EPYC: variants seen among roughly 807,000 people sequenced by gnomAD.
EPYC encodes the protein epiphycan.
A neutral mutation model predicts 30.1 loss-of-function variants in EPYC; 28 were observed. That is an observed-to-expected ratio of 0.93 (90% confidence interval 0.69 to 1.28). EPYC has a LOEUF of 1.28. Among genes scored for constraint, EPYC ranks in the 50% most tolerant of loss-of-function variants. EPYC has a pLI of 0.00. For missense variants in EPYC, 382 were observed against 383.5 expected (o/e 1.00, Z 0.03); for synonymous variants, 144 against 141.4 (o/e 1.02, Z -0.13).
At chr12:90,983,424 C>T (rs554035027) in intron 2 of EPYC, among the ~76,000 whole-genome samples, 2 of 152,106 alleles carry the variant, frequency 1.3e-5, no homozygotes, top group Non-Finnish European at 2.9e-5. Context: ...AGTGCGGCTG[C>T]CAGACTAAAG....
intron 3 of EPYC, among the ~76,000 whole-genome samples, chr12:90,973,301 CTT>C (rs1019848761): frequency 1.3e-4 from 19 of 151,870 alleles, no homozygotes; most frequent in African/African-American, 4.6e-4. Flanking sequence ...TTCATTAAGT[CTT>C]TGGTTTAATA....
intron 5 of EPYC, among the ~76,000 whole-genome samples, chr12:90,970,747 A>T (rs999801473): frequency 6.6e-6 from 1 of 152,172 alleles, no homozygotes; most frequent in African/African-American, 2.4e-5. Flanking sequence ...TCCCATAGCT[A>T]CCATTGATGG....
At chr12:90,977,379 G>T (rs763481582) in intron 3 of EPYC, among the ~76,000 whole-genome samples, 2 of 152,076 alleles carry the variant, frequency 1.3e-5, no homozygotes, top group Non-Finnish European at 2.9e-5. Context: ...AAAGGCTCTG[G>T]TTTCATCTGC....
At chr12:90,993,107 T>C (rs1042875768) in intron 2 of EPYC, among the ~76,000 whole-genome samples, 8 of 152,178 alleles carry the variant, frequency 5.3e-5, no homozygotes, top group African/African-American at 1.9e-4. Flanking sequence ...TCTTAGATCC[T>C]CTGTTGATCC....
intron 6 of EPYC, among the ~76,000 whole-genome samples, chr12:90,966,712 T>TA (rs1169603245): frequency 2.0e-5 from 3 of 152,128 alleles, no homozygotes; most frequent in African/African-American, 7.2e-5. Flanking sequence ...GAAAGATTGT[T>TA]ATGAATTCTT....
chr12:90,984,155 C>T (rs556099661), intron 2 of EPYC, among the ~76,000 whole-genome samples: 19 of 152,000 alleles, frequency 1.3e-4, no homozygotes, highest in East Asian at 7.7e-4. Context: ...AACAGGAAAA[C>T]GCTTAGGACT....
rs1877234975 is a variant in EPYC at position 90,978,208 on chromosome 12, G to C, written c.220C>G (p.Pro74Ala). The C allele has an allele frequency of 6.2e-7, 1 of 1,605,862 alleles. No individual in the cohort carries two copies. The highest frequency in any genetic ancestry group is 8.5e-7 in the Non-Finnish European group (1 of 1,176,456). The change falls in exon 3 of 7, where the codon CCA (proline) becomes GCA (alanine). Residue 74 changes from proline (P) to alanine (A), a missense_variant. Transcript: ENST00000261172. ...TCTTCCTGGGCCTTCTCAGGCTGTG[G>C]GGGTGGAGTGAGGAGCTCTCTGTTC... ...SGNRELLTPP[P>A]QPEKAQEEEE...
rs746945408 is a variant in EPYC, at chr12:90,972,960, A to T, written c.361T>A (p.Cys121Ser). Reference protein sequence around the residue: ...TNEDFPTCLLCTCISTTVYCD... With the variant: ...TNEDFPTCLLSTCISTTVYCD... Reference sequence around the variant, plus strand: ...TACACGGTGGTACTTATACAAGTACACAAAAGACAGGTTGGAAAGTCTAAA... The same window carrying T: ...TACACGGTGGTACTTATACAAGTACTCAAAAGACAGGTTGGAAAGTCTAAA... The change falls in exon 4 of 7, where the codon TGT becomes AGT. Residue 121 changes from cysteine (C) to serine (S), a missense_variant. Cys to Ser is a moderately radical substitution (Grantham distance 112, BLOSUM62 -1). Coordinates refer to ENST00000261172, the MANE Select transcript of EPYC (RefSeq NM_004950.5). 2 of 1,594,556 alleles carry T rather than the reference A, an allele frequency of 1.3e-6. No homozygotes were observed. The highest frequency in any genetic ancestry group is 2.7e-5 in the African/African-American group (2 of 74,398).
At chr12:90,987,766 ACTAT>A (rs1159233400) in intron 2 of EPYC, among the ~76,000 whole-genome samples, 1 of 152,178 alleles carries the variant, frequency 6.6e-6, no homozygotes, top group Admixed American at 6.5e-5. Context: ...TCTGAGAAGC[ACTAT>A]CTATGTGGTA....
At chr12:90,992,438 G>T (rs1331979984) in intron 2 of EPYC, among the ~76,000 whole-genome samples, 6 of 152,180 alleles carry the variant, frequency 3.9e-5, no homozygotes, top group African/African-American at 7.2e-5. Context: ...AGGAAAGGGA[G>T]AAGCCACTGG....
intron 6 of EPYC, 125 bp from the exon 7 acceptor site, chr12:90,964,451 A>T: frequency 1.6e-6 from 1 of 639,124 alleles, no homozygotes. Context: ...AAAATTACTT[A>T]ATGTATATGC....
At chr12:91,004,702 A>G (rs1053999992) in intron 1 of EPYC, among the ~76,000 whole-genome samples, 5 of 152,040 alleles carry the variant, frequency 3.3e-5, no homozygotes, top group African/African-American at 1.2e-4. Context: ...AACTACTCTA[A>G]TTTTATTGGC....
At chr12:90,996,431 A>T (rs79520163) in intron 2 of EPYC, among the ~76,000 whole-genome samples, 4,683 of 151,926 alleles carry the variant, frequency 0.031, 78 homozygotes, top group African/African-American at 0.036. Flanking sequence ...CAGGTTTATT[A>T]TAGGAGTATA....
chr12:90,976,474 G>T (rs1337642247), intron 3 of EPYC, among the ~76,000 whole-genome samples: 6 of 151,920 alleles, frequency 3.9e-5, no homozygotes, highest in Non-Finnish European at 8.8e-5. Flanking sequence ...CAGTAATATT[G>T]AATGCCTTAC....
At chr12:90,993,304 C>T (rs1053666141) in intron 2 of EPYC, among the ~76,000 whole-genome samples, 4 of 152,120 alleles carry the variant, frequency 2.6e-5, no homozygotes, top group African/African-American at 2.4e-5. Context: ...TGACTGATGG[C>T]ATAGTTTATT....
intron 2 of EPYC, among the ~76,000 whole-genome samples, chr12:90,990,511 T>G (rs1414750992): frequency 2.0e-5 from 3 of 152,158 alleles, no homozygotes; most frequent in Non-Finnish European, 2.9e-5. Context: ...CAAATTTTAC[T>G]AACTTAGAAA....
intron 2 of EPYC, among the ~76,000 whole-genome samples, chr12:90,997,977 A>T (rs1467793716): frequency 1.3e-5 from 2 of 151,996 alleles, no homozygotes; most frequent in Non-Finnish European, 2.9e-5. Context: ...CCCTTTTGGA[A>T]ATTATTTTGT....
intron 3 of EPYC, among the ~76,000 whole-genome samples, chr12:90,973,977 A>C (rs962488361): frequency 6.6e-6 from 1 of 151,568 alleles, no homozygotes; most frequent in South Asian, 2.1e-4. Context: ...GGAACCAAAA[A>C]TGTTTCTGAG....
At chr12:90,964,388 G>A (rs767777124) in intron 6 of EPYC, 62 bp from the exon 7 acceptor site, 42 of 1,246,068 alleles carry the variant, frequency 3.4e-5, no homozygotes, top group Middle Eastern at 4.6e-4. Context: ...GATTGATAGC[G>A]CAGTCCACTG....
Sources: gnomAD v4.1 joint callset for allele counts (sites outside exome capture counted in the v4.1 genomes callset) on GRCh38, gnomAD v4.1.1 for gene constraint, MANE v1.5 for transcripts, NCBI Gene and HGNC (gene_info 2026-07-23, HGNC 2026-07-21) for gene names.